The following ADARB2 variants were observed in gnomAD, a reference collection of about 807,000 sequenced individuals.
ADARB2 encodes adenosine deaminase RNA specific B2 (inactive).
In ADARB2, 25 loss-of-function variants were observed where a neutral mutation model predicts 62.2. That is an observed-to-expected ratio of 0.40 (90% CI 0.29 to 0.56). The LOEUF (loss-of-function observed/expected upper bound fraction) is 0.56. Among genes scored for constraint, ADARB2 ranks in the 20% least tolerant of loss-of-function variants. The pLI, the probability that ADARB2 is intolerant of heterozygous loss-of-function variation, is 0.43. For synonymous variants in ADARB2, 572 were observed against 500.8 expected (o/e 1.14, Z -1.90); for missense variants, 1,071 against 1,077.4 (o/e 0.99, Z 0.08).
In ADARB2 at chr10:1,350,365, T is replaced by A. The variant is rs189880641; in HGVS notation, c.1077+12663A>T. Among the ~76,000 whole-genome samples, 189 of 152,216 alleles carry A rather than the reference T, an allele frequency of 1.2e-3. 1 individual carries two copies. Among genetic ancestry groups the A allele is most frequent in the African/African-American group, 4.3e-3 (180 of 41,542 alleles). On this transcript the variant is annotated intron_variant, in intron 3 of 9. Coordinates refer to ENST00000381312, the MANE Select transcript of ADARB2 (RefSeq NM_018702.4). ...CCAATCTTCCTTTTCTACAGACCCA[T>A]CTGACCCCTCCGCTCCTCCCCAGGC... is the stretch of plus-strand genomic sequence containing the variant.
intron 4 of ADARB2, among the ~76,000 whole-genome samples, chr10:1,248,118 G>A (rs371271227): frequency 1.3e-5 from 2 of 152,246 alleles, no homozygotes; most frequent in African/African-American, 4.8e-5. Context: ...GGATGGGGCA[G>A]CAAAGACGCC....
chr10:1,545,493 G>T (rs1832504844), intron 1 of ADARB2, among the ~76,000 whole-genome samples: 1 of 152,202 alleles, frequency 6.6e-6, no homozygotes, highest in African/African-American at 2.4e-5. Flanking sequence ...GAGAGTTTCA[G>T]TGAGCTCCCG....
chr10:1,555,808 G>C (rs534515794), intron 1 of ADARB2, among the ~76,000 whole-genome samples: 1 of 152,086 alleles, frequency 6.6e-6, no homozygotes, highest in Non-Finnish European at 1.5e-5. Context: ...GATGGCGTGC[G>C]CCTGTAACCC....
intron 1 of ADARB2, among the ~76,000 whole-genome samples, chr10:1,653,004 C>G (rs4880901): frequency 3.3e-5 from 5 of 152,208 alleles, no homozygotes; most frequent in East Asian, 1.9e-4. Context: ...CCTCCTCCCC[C>G]CTGGGATCCT....
At chr10:1,466,534 G>A (rs565506152) in intron 1 of ADARB2, among the ~76,000 whole-genome samples, 1 of 152,234 alleles carries the variant, frequency 6.6e-6, no homozygotes, top group African/African-American at 2.4e-5. Flanking sequence ...TGGGAATCCT[G>A]GGGTGGGAAC....
chr10:1,400,048 C>A (rs1277407940), intron 1 of ADARB2, among the ~76,000 whole-genome samples: 1 of 152,218 alleles, frequency 6.6e-6, no homozygotes, highest in Admixed American at 6.5e-5. Flanking sequence ...CGAGAATTAG[C>A]AGGTTCAGAT....
intron 1 of ADARB2, among the ~76,000 whole-genome samples, chr10:1,416,924 G>A (rs1301467870): frequency 6.6e-6 from 1 of 152,220 alleles, no homozygotes. Context: ...GGTGCAGCAC[G>A]GGTCCCCCTG....
chr10:1,490,581 A>C (rs573428693), intron 1 of ADARB2, among the ~76,000 whole-genome samples: 2 of 152,216 alleles, frequency 1.3e-5, no homozygotes, highest in African/African-American at 2.4e-5. Flanking sequence ...CAGCTTCCCC[A>C]GTAGCTGGGA....
intron 1 of ADARB2, among the ~76,000 whole-genome samples, chr10:1,669,843 C>G (rs1034343573): frequency 1.8e-4 from 28 of 151,924 alleles, no homozygotes; most frequent in South Asian, 2.1e-4. Context: ...CACAAACAGA[C>G]ACACTCATAG....
At chr10:1,235,179 G>T (rs76767326) in intron 5 of ADARB2, among the ~76,000 whole-genome samples, 59 of 149,590 alleles carry the variant, frequency 3.9e-4, no homozygotes, top group Middle Eastern at 3.4e-3. Context: ...TGGGTTTGAC[G>T]TAGCCTGAGT....
chr10:1,453,888 A>G (rs745905656), intron 1 of ADARB2, among the ~76,000 whole-genome samples: 1 of 152,206 alleles, frequency 6.6e-6, no homozygotes, highest in Non-Finnish European at 1.5e-5. Context: ...GTGGGAATGT[A>G]AGATGGTGCA....
rs138610264 is a variant in ADARB2 at position 1,442,282 on chromosome 10, T to C, written c.101-63122A>G. 2.2e-3 allele frequency among the ~76,000 whole-genome samples: 340 copies of C among 152,330 alleles called. 1 individual carries two copies. The highest frequency in any genetic ancestry group is 7.8e-3 in the African/African-American group (325 of 41,574). On this transcript the variant is annotated intron_variant, in intron 1 of 9. Transcript: ENST00000381312. Reference sequence around the variant, plus strand: ...CCTTGGTAGGTGTGGTTTCCTAATGTCTTTGTCAAATTTCTCCCTGGTTAG... The same window carrying C: ...CCTTGGTAGGTGTGGTTTCCTAATGCCTTTGTCAAATTTCTCCCTGGTTAG...
intron 3 of ADARB2, among the ~76,000 whole-genome samples, chr10:1,286,850 C>T (rs1398721995): frequency 2.0e-5 from 3 of 152,162 alleles, no homozygotes; most frequent in East Asian, 1.9e-4. Flanking sequence ...GGTGCTTAGC[C>T]TGGTACCCGG....
intron 1 of ADARB2, among the ~76,000 whole-genome samples, chr10:1,566,972 GAA>G (rs1183682143): frequency 6.6e-6 from 1 of 152,134 alleles, no homozygotes; most frequent in East Asian, 1.9e-4. Context: ...TGTCAGGAAA[GAA>G]AATAAAAACC....
At chr10:1,583,208 A>G (rs1351951011) in intron 1 of ADARB2, among the ~76,000 whole-genome samples, 2 of 152,070 alleles carry the variant, frequency 1.3e-5, no homozygotes, top group Admixed American at 1.3e-4. Flanking sequence ...TCAAAATTTC[A>G]CCTTCCCAGA....
chr10:1,480,936 G>C (rs922464902), intron 1 of ADARB2, among the ~76,000 whole-genome samples: 10 of 152,084 alleles, frequency 6.6e-5, no homozygotes, highest in African/African-American at 2.4e-4. Flanking sequence ...AACATCCCAA[G>C]GACTTTTTTT....
intron 1 of ADARB2, among the ~76,000 whole-genome samples, chr10:1,611,663 G>T (rs980215630): frequency 6.3e-5 from 9 of 143,668 alleles, no homozygotes; most frequent in Admixed American, 5.7e-4. Context: ...CATACATTAG[G>T]CTGAAGGAAA....
chr10:1,586,137 G>A (rs10903502), intron 1 of ADARB2, among the ~76,000 whole-genome samples: 23,967 of 152,084 alleles, frequency 0.16, 2,268 homozygotes, highest in East Asian at 0.39. Context: ...TGTCATGGGT[G>A]CATCCTTAAC....
At chr10:1,364,765 T>C (rs1253641891) in intron 2 of ADARB2, among the ~76,000 whole-genome samples, 1 of 152,200 alleles carries the variant, frequency 6.6e-6, no homozygotes, top group Non-Finnish European at 1.5e-5. Context: ...AGGTATCGTG[T>C]TATTCACTAA....
Sources: allele counts gnomAD v4.1 joint callset (sites outside exome capture counted in the v4.1 genomes callset), GRCh38; gene constraint gnomAD v4.1.1; transcripts MANE v1.5; gene names NCBI Gene and HGNC (gene_info 2026-07-23, HGNC 2026-07-21).